CNOT11: variants seen among roughly 807,000 people sequenced by gnomAD.
CNOT11 encodes the protein UPF0760 protein C2orf29.
Under a neutral mutation model 44.6 loss-of-function variants are expected in CNOT11, and 18 were observed. The ratio of observed to expected loss-of-function variants is 0.40; its 90% CI spans 0.28 to 0.60. The LOEUF (loss-of-function observed/expected upper bound fraction) is 0.60, where lower values mean the gene tolerates loss of function less well. Ranked by LOEUF, CNOT11 falls within the 20% of genes least tolerant of loss-of-function variation. The probability of loss-of-function intolerance (pLI) is 0.38; values close to 1 mark genes in which losing one functional copy is unlikely to be tolerated. For missense variants in CNOT11, 513 were observed against 677.0 expected (o/e 0.76, Z 2.69); for synonymous variants, 291 against 270.9 (o/e 1.07, Z -0.73).
Position 101,264,810 on chromosome 2 carries a change from C to T in CNOT11, c.833-35C>T, listed in dbSNP as rs780809132. On this transcript the variant is annotated intron_variant, in intron 3 of 6. Transcript: ENST00000289382. The stretch of plus-strand genomic sequence containing the variant: ...GTGAGATGTGTAGAGATGTTAGCTT[C>T]CTGATAGGAGCAACTATCACGGCTC... 1.8e-5 allele frequency: 28 copies of T among 1,560,788 alleles called. No individual in the cohort carries two copies. In the African/African-American group the frequency reaches 3.1e-4, roughly 17 times the overall value.
chr2:101,258,787 C>G (rs891900935), intron 2 of CNOT11, among the ~76,000 whole-genome samples: 3 of 145,250 alleles, frequency 2.1e-5, no homozygotes, highest in Non-Finnish European at 4.5e-5. Context: ...GCACTTCAGC[C>G]TGGGTGACAG....
chr2:101,255,581 G>A (rs2104360878), intron 1 of CNOT11, among the ~76,000 whole-genome samples: 1 of 152,008 alleles, frequency 6.6e-6, no homozygotes, highest in East Asian at 1.9e-4. Flanking sequence ...ACATAGAAGA[G>A]AAAATATCAG....
rs1332945183 is a variant in CNOT11, at chr2:101,253,374, C to T, written c.410C>T (p.Thr137Ile). Residue 137 changes from threonine (T) to isoleucine (I), a missense_variant, in exon 1 of 7, where the codon ACC becomes ATC. This residue lies in a region of CNOT11 where 259 missense variants were observed against 265.7 expected (regional missense o/e 0.97). Coordinates refer to ENST00000289382, the MANE Select transcript of CNOT11 (RefSeq NM_017546.5). This position sits in a 1 kb window ranked among gnomAD's most constrained non-coding sequence, Gnocchi z 4.3. The part of the protein sequence containing the change: ...ALYLLWEMYR[T>I]EPLAANPFAA... ...TACCTGCTCTGGGAGATGTACCGCACCGAGCCGCTGGCCGCCAACCCCTTC... is the reference window on the plus strand; with the variant it reads ...TACCTGCTCTGGGAGATGTACCGCATCGAGCCGCTGGCCGCCAACCCCTTC... 2.5e-6 allele frequency: 4 copies of T among 1,594,958 alleles called. No homozygotes were observed. The East Asian group carries it at 9.0e-5, about 36-fold the overall frequency.
intron 4 of CNOT11, 123 bp from the exon 5 acceptor site, chr2:101,266,554 T>A: frequency 1.4e-6 from 1 of 700,834 alleles, no homozygotes; most frequent in East Asian, 2.6e-5. Context: ...ATGAAGTTGG[T>A]TCAATGCAGA....
Position 101,257,856 on chromosome 2 carries a change from C to T in CNOT11, c.580C>T (p.Arg194Trp), listed in dbSNP as rs1316018594. The T allele has an allele frequency of 2.5e-6, 4 of 1,613,940 alleles. No homozygotes were observed. Among genetic ancestry groups the T allele is most frequent in the Admixed American group, 1.7e-5 (1 of 59,982 alleles). ...FLSQLMLAPP[R>W]ELFKKTPRQI... ...TTCCCAGCTGATGCTGGCACCCCCA[C>T]GGGAACTCTTCAAAAAGACGCCTCG... Residue 194 changes from arginine (R) to tryptophan (W), a missense_variant, in exon 2 of 7, where the codon CGG (arginine) becomes TGG (tryptophan). Physicochemically the swap from Arg to Trp is moderately radical, Grantham distance 101. Around this residue, in one of 4 missense-constraint regions of CNOT11, gnomAD observed 27 missense variants for 56.1 expected, o/e 0.48. Coordinates refer to ENST00000289382, the MANE Select transcript of CNOT11 (RefSeq NM_017546.5).
chr2:101,258,813 CAAAA>C (rs34756086), intron 2 of CNOT11, among the ~76,000 whole-genome samples: 2 of 99,760 alleles, frequency 2.0e-5, no homozygotes, highest in Admixed American at 1.0e-4. Flanking sequence ...GAGTCTGTCT[CAAAA>C]AAAAAAAAAA....
chr2:101,266,215 G>GCTTCCCACTCCGC (rs1158527150), intron 4 of CNOT11, among the ~76,000 whole-genome samples: 1 of 152,184 alleles, frequency 6.6e-6, no homozygotes, highest in Non-Finnish European at 1.5e-5. Flanking sequence ...TCCCGCTCCG[G>GCTTCCCACTCCGC]CTTCCCACTC....
chr2:101,267,133 A>T (rs1682006048), intron 5 of CNOT11, among the ~76,000 whole-genome samples: 1 of 152,010 alleles, frequency 6.6e-6, no homozygotes. Context: ...TTATTTATTT[A>T]TTTTTTTGAG....
intron 2 of CNOT11, 28 bp downstream of exon 2, chr2:101,257,983 T>G: frequency 6.3e-7 from 1 of 1,590,648 alleles, no homozygotes; most frequent in Non-Finnish European, 8.6e-7. Context: ...TTTTGGGCAT[T>G]TCTGTGTGGT....
At chr2:101,261,765 T>A (rs1377468082) in intron 2 of CNOT11, among the ~76,000 whole-genome samples, 2 of 152,108 alleles carry the variant, frequency 1.3e-5, no homozygotes, top group Non-Finnish European at 2.9e-5. Flanking sequence ...CTTTTCAGAT[T>A]TTTTTGGCCA....
chr2:101,264,814 A>C (rs1407115704), intron 3 of CNOT11, 31 bp from the exon 4 acceptor site: 1 of 1,579,426 alleles, frequency 6.3e-7, no homozygotes, highest in Non-Finnish European at 8.7e-7. Context: ...TAGCTTCCTG[A>C]TAGGAGCAAC....
At chr2:101,263,163 A>G (rs1030973893) in intron 3 of CNOT11, among the ~76,000 whole-genome samples, 28 of 152,068 alleles carry the variant, frequency 1.8e-4, no homozygotes, top group Non-Finnish European at 7.4e-5. Context: ...AGGAGCCGAG[A>G]TCGAACCACT....
chr2:101,268,295 G>A (rs1185594506), intron 5 of CNOT11, among the ~76,000 whole-genome samples: 2 of 152,196 alleles, frequency 1.3e-5, no homozygotes, highest in East Asian at 1.9e-4. Flanking sequence ...ACCACGCTGA[G>A]TGTTCACTTC....
intron 2 of CNOT11, among the ~76,000 whole-genome samples, chr2:101,260,406 G>A (rs572581367): frequency 6.6e-6 from 1 of 152,216 alleles, no homozygotes; most frequent in Admixed American, 6.5e-5. Context: ...AGTATATCAC[G>A]TGGAGGAAGG....
rs1400740877 is a variant in CNOT11 at position 101,264,928 on chromosome 2, C to T, written c.916C>T (p.Pro306Ser). 6.2e-7 allele frequency: 1 copy of T among 1,614,098 alleles called. No individual in the cohort carries two copies. Among genetic ancestry groups the T allele is most frequent in the Admixed American group, 1.7e-5 (1 of 60,018 alleles). The part of the protein sequence containing the change: ...DELAWLNPTE[P>S]DHAIQWDKSM... ...ACTTGCTTGGCTAAACCCCACGGAG[C>T]CTGACCACGCGATCCAGTGGGATAA... The change falls in exon 4 of 7, where the codon CCT becomes TCT. Residue 306 changes from proline (P) to serine (S), a missense_variant. This residue lies in a region of CNOT11 where 140 missense variants were observed against 169.8 expected (regional missense o/e 0.82). Transcript: ENST00000289382.
Position 101,269,524 on chromosome 2 carries a change from T to G in CNOT11, c.*111T>G. On this transcript the variant is annotated 3_prime_UTR_variant, in exon 7 of 7. Transcript: ENST00000289382. This position sits in a 1 kb window ranked among gnomAD's most constrained non-coding sequence, Gnocchi z 4.8. ...TTGGTTTAATGCATATAAACAGTAC[T>G]TTATCTACTTAAAGCAAAGTTTTGC... 1.2e-6 allele frequency: 1 copy of G among 857,396 alleles called. No homozygotes were observed. Among genetic ancestry groups the G allele is most frequent in the Non-Finnish European group, 1.8e-6 (1 of 569,474 alleles). The allele number at this position is 857,396 out of a possible 1,614,324, so 53.1% of individuals were successfully genotyped here. A position where few individuals can be genotyped will look rare whatever the true frequency, so the allele number is the denominator to read the frequency against.
rs1156759648 is a variant in CNOT11 at position 101,252,909 on chromosome 2, A to C, written c.-56A>C. Reference sequence around the variant, plus strand: ...GCGCGCTTTACGGCCGCGGGGACGGAGCGAGCCGGCGCCAGGGCCCCTCGG... The same window carrying C: ...GCGCGCTTTACGGCCGCGGGGACGGCGCGAGCCGGCGCCAGGGCCCCTCGG... On this transcript the variant is annotated 5_prime_UTR_variant, in exon 1 of 7. Transcript: ENST00000289382. 2 of 1,379,286 alleles carry C rather than the reference A, an allele frequency of 1.5e-6. No homozygotes were observed. The highest frequency in any genetic ancestry group is 1.9e-6 in the Non-Finnish European group (2 of 1,074,254). The allele number at this position is 1,379,286 out of a possible 1,614,324, so 85.4% of individuals were successfully genotyped here.
In CNOT11 at chr2:101,252,911, C is replaced by A. The variant is rs1681651119; in HGVS notation, c.-54C>A. 5 of 1,380,818 alleles carry A rather than the reference C, an allele frequency of 3.6e-6. No individual in the cohort carries two copies. The highest frequency in any genetic ancestry group is 4.7e-6 in the Non-Finnish European group (5 of 1,075,178). The allele number at this position is 1,380,818 out of a possible 1,614,324, so 85.5% of individuals were successfully genotyped here. ...GCGCTTTACGGCCGCGGGGACGGAG[C>A]GAGCCGGCGCCAGGGCCCCTCGGGC... On this transcript the variant is annotated 5_prime_UTR_variant, in exon 1 of 7. Transcript: ENST00000289382.
Position 101,264,954 on chromosome 2 carries a change from A to G in CNOT11, c.942A>G (p.Lys314=). The stretch of plus-strand genomic sequence containing the variant: ...CTGACCACGCGATCCAGTGGGATAA[A>G]TCGATGTGTGTTAAGAATAGCACTG... ...TEPDHAIQWD[K]SMCVKNSTGV... is the part of the protein sequence containing the mutation. The change falls in exon 4 of 7, where the codon AAA becomes AAG. Residue 314 remains lysine (K), a synonymous_variant. Transcript: ENST00000289382. 6.2e-7 allele frequency: 1 copy of G among 1,614,198 alleles called. No homozygotes were observed.
Sources: allele counts gnomAD v4.1 joint callset (sites outside exome capture counted in the v4.1 genomes callset), GRCh38; gene constraint gnomAD v4.1.1; regional missense constraint gnomAD v4.1.1; non-coding constraint Gnocchi (gnomAD v3.1); transcripts MANE v1.5; gene names NCBI Gene and HGNC (gene_info 2026-07-23, HGNC 2026-07-21).